The following CALD1 variants were observed in gnomAD, a reference collection of about 807,000 sequenced individuals.
CALD1 encodes the protein caldesmon.
CALD1 carries 33 observed loss-of-function variants against 99.9 expected under a neutral mutation model. The ratio of observed to expected loss-of-function variants is 0.33; its 90% CI spans 0.25 to 0.44. The LOEUF is 0.44. Among genes scored for constraint, CALD1 ranks in the 20% least tolerant of loss-of-function variants. The pLI is 1.00. For missense variants in CALD1, 861 were observed against 962.1 expected (o/e 0.89, Z 1.39); for synonymous variants, 310 against 325.0 (o/e 0.95, Z 0.50).
chr7:134,924,930 C>T (rs1446608090), intron 3 of CALD1, among the ~76,000 whole-genome samples: 2 of 152,140 alleles, frequency 1.3e-5, no homozygotes, highest in East Asian at 1.9e-4. Context: ...CTTCCTGCCA[C>T]CTAGTGAAGA....
intron 6 of CALD1, among the ~76,000 whole-genome samples, chr7:134,937,319 A>G (rs992475410): frequency 1.2e-4 from 19 of 152,152 alleles, no homozygotes; most frequent in African/African-American, 4.3e-4. Flanking sequence ...CTCTGTGTCA[A>G]TCAGATACTC....
rs563802221 is a variant in CALD1, at chr7:134,768,146, A to C, written c.-130+23783A>C. On this transcript the variant is annotated intron_variant, in intron 1 of 13. Coordinates refer to the CALD1 transcript ENST00000417172. Reference sequence around the variant, plus strand: ...GACTTCCTATAGGAAGGCTGAGGGGATGGCCAGTCCTGTTCCATGGAAGTG... The same window carrying C: ...GACTTCCTATAGGAAGGCTGAGGGGCTGGCCAGTCCTGTTCCATGGAAGTG... Among the ~76,000 whole-genome samples, 3 of 152,222 alleles carry C rather than the reference A, an allele frequency of 2.0e-5. No individual in the cohort carries two copies. In the South Asian group the frequency reaches 6.2e-4, roughly 32 times the overall value.
At chr7:134,837,370 T>A (rs1683771544) in intron 1 of CALD1, among the ~76,000 whole-genome samples, 1 of 151,890 alleles carries the variant, frequency 6.6e-6, no homozygotes, top group South Asian at 2.1e-4. Context: ...TGAGATGGAA[T>A]CTTGCACTGT....
intron 3 of CALD1, among the ~76,000 whole-genome samples, chr7:134,915,095 G>C (rs748155061): frequency 2.6e-5 from 4 of 152,162 alleles, no homozygotes; most frequent in African/African-American, 7.2e-5. Flanking sequence ...TCCCACAACC[G>C]CAAGTTCAGA....
At chr7:134,914,915 A>G (rs1804096422) in intron 3 of CALD1, among the ~76,000 whole-genome samples, 1 of 152,160 alleles carries the variant, frequency 6.6e-6, no homozygotes, top group African/African-American at 2.4e-5. Context: ...ACAGGTCTTA[A>G]CTTCCCTACA....
In CALD1 at chr7:134,933,508, G is replaced by C. The variant is rs1348440229; in HGVS notation, c.739G>C (p.Gly247Arg). The C allele has an allele frequency of 1.9e-6, 3 of 1,613,770 alleles. No homozygotes were observed. Among genetic ancestry groups the C allele is most frequent in the Non-Finnish European group, 2.5e-6 (3 of 1,179,952 alleles). ...EPKQEEEREQ[G>R]SDEISHHEKM... ...TAAACAAGAGGAGGAGAGGGAACAA[G>C]GTTCAGATGAGATTTCCCATCATGA... The change falls in exon 5 of 15, where the codon GGT becomes CGT. Residue 247 changes from glycine (G) to arginine (R), a missense_variant. Around this residue, in one of 5 missense-constraint regions of CALD1, gnomAD observed 234 missense variants for 233.1 expected, o/e 1.00. Transcript: ENST00000361675.
rs190892606 is a variant in CALD1 at position 134,745,918 on chromosome 7, T to C, written c.-130+1555T>C. On this transcript the variant is annotated intron_variant, in intron 1 of 13. Coordinates refer to the CALD1 transcript ENST00000417172. ...TTTGGAAACCCTTTTGTTGTGGTGA[T>C]AGTGGTATTTATTTCTCAACTTGTG... Among the ~76,000 whole-genome samples the C allele has an allele frequency of 3.0e-4, 46 of 152,336 alleles. No individual in the cohort carries two copies. In the East Asian group the frequency reaches 7.9e-3, roughly 26 times the overall value.
chr7:134,795,183 G>C (rs1797700371), intron 1 of CALD1, among the ~76,000 whole-genome samples: 1 of 151,980 alleles, frequency 6.6e-6, no homozygotes, highest in Admixed American at 6.6e-5. Flanking sequence ...GAGGAAAGAA[G>C]ACTGTGTCCC....
At position 134,779,769 on chromosome 7, in the gene CALD1, C is replaced by A; in HGVS notation, c.-130+20C>A. 1 of 398,458 alleles carries A rather than the reference C, an allele frequency of 2.5e-6. No individual in the cohort carries two copies. The highest frequency in any genetic ancestry group is 4.4e-6 in the Non-Finnish European group (1 of 225,990). The allele number at this position is 398,458 out of a possible 1,614,324, so 24.7% of individuals were successfully genotyped here. A position where few individuals can be genotyped will look rare whatever the true frequency, so the allele number is the denominator to read the frequency against. On this transcript the variant is annotated intron_variant, in intron 1 of 14. Coordinates refer to ENST00000361675, the MANE Select transcript of CALD1 (RefSeq NM_033138.4). ...TACAAGGTAAGGCACAGAAGGCTTT[C>A]TTTTTTATCTTCTAGAGAGAATCTG...
intron 1 of CALD1, among the ~76,000 whole-genome samples, chr7:134,764,054 G>C (rs1450753906): frequency 6.6e-6 from 1 of 151,908 alleles, no homozygotes; most frequent in Non-Finnish European, 1.5e-5. Flanking sequence ...GAAGATACAT[G>C]TAACAAAGTG....
At chr7:134,967,676 A>T (rs1043894399) in intron 14 of CALD1, among the ~76,000 whole-genome samples, 1 of 152,212 alleles carries the variant, frequency 6.6e-6, no homozygotes, top group African/African-American at 2.4e-5. Flanking sequence ...GTTCTGGAAT[A>T]CACACTGTAG....
At chr7:134,965,132 T>C in intron 13 of CALD1, 174 bp from the exon 14 acceptor site, 1 of 538,734 alleles carries the variant, frequency 1.9e-6, no homozygotes, top group Non-Finnish European at 3.4e-6. Flanking sequence ...AATAAAAAAA[T>C]AAAAAAATCA....
the CALD1 span, among the ~76,000 whole-genome samples, chr7:134,722,569 A>T: frequency 6.6e-6 from 1 of 151,886 alleles, no homozygotes; most frequent in Non-Finnish European, 1.5e-5. Context: ...TTACAGGAGC[A>T]TGCCACCACA....
At chr7:134,773,062 G>C (rs1463430243) in intron 1 of CALD1, among the ~76,000 whole-genome samples, 2 of 152,152 alleles carry the variant, frequency 1.3e-5, no homozygotes, top group Non-Finnish European at 2.9e-5. Context: ...TTCATTCACT[G>C]TATTGGCCCA....
intron 1 of CALD1, among the ~76,000 whole-genome samples, chr7:134,790,301 A>G (rs1218216836): frequency 6.6e-6 from 1 of 152,218 alleles, no homozygotes; most frequent in African/African-American, 2.4e-5. Context: ...CCTTGCTGGC[A>G]TACTAGCTAT....
chr7:134,775,922 G>A (rs946965310), upstream of CALD1, among the ~76,000 whole-genome samples: 2 of 152,042 alleles, frequency 1.3e-5, no homozygotes, highest in African/African-American at 4.8e-5. Context: ...ATTATGAATA[G>A]CATCTTTTTC....
chr7:134,730,417 G>T, the CALD1 span, among the ~76,000 whole-genome samples: 8 of 152,266 alleles, frequency 5.3e-5, no homozygotes, highest in Admixed American at 2.6e-4. Flanking sequence ...AATCCATCAT[G>T]TAAGGACCCC....
intron 1 of CALD1, among the ~76,000 whole-genome samples, chr7:134,762,174 A>C (rs1585901709): frequency 6.6e-6 from 1 of 152,346 alleles, no homozygotes; most frequent in Admixed American, 6.5e-5. Context: ...GGCTGGTCCA[A>C]AGCCCACCAG....
chr7:134,718,252 G>C, the CALD1 span, among the ~76,000 whole-genome samples: 10 of 152,284 alleles, frequency 6.6e-5, no homozygotes, highest in Admixed American at 5.2e-4. Flanking sequence ...ATTAATAATA[G>C]CTACCATTTA....
Sources: allele counts gnomAD v4.1 joint callset (sites outside exome capture counted in the v4.1 genomes callset), GRCh38; gene constraint gnomAD v4.1.1; regional missense constraint gnomAD v4.1.1; transcripts MANE v1.5; gene names NCBI Gene and HGNC (gene_info 2026-07-23, HGNC 2026-07-21).